EYS: variants seen among roughly 807,000 people sequenced by gnomAD.
The protein encoded by EYS is protein eyes shut homolog.
In EYS, 250 loss-of-function variants were observed where a neutral mutation model predicts 282.1. The ratio of observed to expected loss-of-function variants is 0.89; its 90% confidence interval spans 0.80 to 0.98. The LOEUF (loss-of-function observed/expected upper bound fraction) is 0.98. Among genes scored for constraint, EYS ranks in the 50% least tolerant of loss-of-function variants. EYS has a pLI of 0.00. For missense variants in EYS, 4,016 were observed against 3,709.0 expected (o/e 1.08, Z -2.15); for synonymous variants, 1,355 against 1,282.9 (o/e 1.06, Z -1.20).
intron 28 of EYS, among the ~76,000 whole-genome samples, chr6:64,397,522 A>AT (rs57878887): frequency 6.6e-6 from 1 of 151,844 alleles, no homozygotes; most frequent in Admixed American, 6.6e-5. Context: ...GTCACATTGT[A>AT]TTTTTTATAG....
chr6:65,027,740 T>C (rs1205432932), intron 13 of EYS, among the ~76,000 whole-genome samples: 1 of 152,180 alleles, frequency 6.6e-6, no homozygotes, highest in African/African-American at 2.4e-5. Flanking sequence ...ACTTTGTTCC[T>C]TTTTAGTGCC....
chr6:64,029,030 C>T (rs1769680632), intron 33 of EYS, among the ~76,000 whole-genome samples: 1 of 152,064 alleles, frequency 6.6e-6, no homozygotes, highest in Non-Finnish European at 1.5e-5. Flanking sequence ...GACTATGGAT[C>T]CCCAGATACA....
At position 65,633,681 on chromosome 6, in the gene EYS, T is replaced by G. The variant is rs139821739; in HGVS notation, c.-333+6097A>C. Among the ~76,000 whole-genome samples the G allele has an allele frequency of 6.2e-3, 944 of 152,360 alleles. 3 individuals carry two copies. The highest frequency in any genetic ancestry group is 0.01 in the Non-Finnish European group (701 of 68,028). ...GCCTAGAATACATCTACTATAATTA[T>G]GAAATACCTACCCTCAAAGCCACAA... On this transcript the variant is annotated intron_variant, in intron 2 of 42. Coordinates refer to ENST00000503581, the MANE Select transcript of EYS (RefSeq NM_001142800.2).
At chr6:64,899,045 C>T (rs1018907858) in intron 18 of EYS, among the ~76,000 whole-genome samples, 1 of 151,942 alleles carries the variant, frequency 6.6e-6, no homozygotes, top group Non-Finnish European at 1.5e-5. Flanking sequence ...TTAGACAGAT[C>T]GATGAGACAG....
At chr6:65,147,031 T>C (rs1419920972) in intron 12 of EYS, among the ~76,000 whole-genome samples, 1 of 152,058 alleles carries the variant, frequency 6.6e-6, no homozygotes, top group East Asian at 1.9e-4. Context: ...TTGTACTTTT[T>C]GTATGGATTT....
intron 28 of EYS, among the ~76,000 whole-genome samples, chr6:64,397,247 A>T (rs1431536980): frequency 6.6e-6 from 1 of 152,016 alleles, no homozygotes; most frequent in East Asian, 1.9e-4. Context: ...TATGTTAAGG[A>T]ATTTTTACAT....
rs943802063 is a variant in EYS at position 65,420,290 on chromosome 6, G to C, written c.863-14923C>G. Among the ~76,000 whole-genome samples, 5 of 151,902 alleles carry C rather than the reference G, an allele frequency of 3.3e-5. No homozygotes were observed. In the East Asian group the frequency reaches 9.6e-4, roughly 29 times the overall value. The stretch of plus-strand genomic sequence containing the variant: ...TATGTAATATTCTAAATCTTTTGTT[G>C]TAACTTCAACAATGTTCACAGCATC... On this transcript the variant is annotated intron_variant, in intron 5 of 42. Coordinates refer to ENST00000503581, the MANE Select transcript of EYS (RefSeq NM_001142800.2).
At chr6:65,406,612 T>A (rs1766749655) in intron 5 of EYS, among the ~76,000 whole-genome samples, 2 of 152,134 alleles carry the variant, frequency 1.3e-5, no homozygotes, top group Non-Finnish European at 2.9e-5. Flanking sequence ...GATAACGACT[T>A]AGCTTATATG....
intron 5 of EYS, among the ~76,000 whole-genome samples, chr6:65,449,765 T>C (rs886945307): frequency 2.0e-5 from 3 of 152,184 alleles, no homozygotes; most frequent in Middle Eastern, 3.4e-3. Context: ...TTCCTTTTTT[T>C]CCTCTCATTT....
chr6:65,554,414 G>T (rs1424103624), intron 2 of EYS, among the ~76,000 whole-genome samples: 9 of 151,310 alleles, frequency 5.9e-5, no homozygotes, highest in Non-Finnish European at 1.5e-5. Flanking sequence ...TTATTTTTTG[G>T]CTTGCTTTTA....
chr6:64,502,755 TCAA>T (rs1423449732), intron 26 of EYS, among the ~76,000 whole-genome samples: 1 of 152,022 alleles, frequency 6.6e-6, no homozygotes, highest in African/African-American at 2.4e-5. Context: ...AATCCATCCA[TCAA>T]CAGTATTTGA....
chr6:63,918,640 C>G (rs925331563), intron 35 of EYS, among the ~76,000 whole-genome samples: 1 of 152,150 alleles, frequency 6.6e-6, no homozygotes. Flanking sequence ...AATCTTCAAG[C>G]TGAGGGAGAA....
At chr6:64,683,494 G>C (rs1322541365) in intron 22 of EYS, among the ~76,000 whole-genome samples, 2 of 152,122 alleles carry the variant, frequency 1.3e-5, no homozygotes, top group African/African-American at 2.4e-5. Context: ...TATTGGATTA[G>C]AGAAGGCAAA....
chr6:64,459,394 G>A (rs1270981948), intron 26 of EYS, among the ~76,000 whole-genome samples: 3 of 152,126 alleles, frequency 2.0e-5, no homozygotes, highest in Non-Finnish European at 4.4e-5. Flanking sequence ...TTCATCTCTT[G>A]TATTAGTGTT....
chr6:64,470,927 G>C (rs146980265), intron 26 of EYS, among the ~76,000 whole-genome samples: 1 of 152,124 alleles, frequency 6.6e-6, no homozygotes, highest in African/African-American at 2.4e-5. Context: ...CAAAATTATA[G>C]CTTAAAACTT....
chr6:65,201,610 A>G (rs774909874), intron 12 of EYS, among the ~76,000 whole-genome samples: 25 of 151,720 alleles, frequency 1.6e-4, no homozygotes, highest in Non-Finnish European at 3.1e-4. Context: ...TGAATTTTAC[A>G]TAATTTGTTC....
intron 12 of EYS, among the ~76,000 whole-genome samples, chr6:65,202,648 C>T (rs1243596518): frequency 6.6e-6 from 1 of 152,144 alleles, no homozygotes; most frequent in East Asian, 1.9e-4. Flanking sequence ...CTGGGTACCC[C>T]TCCCTTCTTT....
intron 9 of EYS, among the ~76,000 whole-genome samples, chr6:65,350,655 G>A (rs373608813): frequency 3.3e-5 from 5 of 151,360 alleles, no homozygotes; most frequent in East Asian, 1.9e-4. Flanking sequence ...ACTTCACTTC[G>A]CAACTCTTTA....
intron 18 of EYS, among the ~76,000 whole-genome samples, chr6:64,890,051 C>T (rs1275742727): frequency 1.3e-5 from 2 of 149,854 alleles, no homozygotes; most frequent in African/African-American, 5.0e-5. Flanking sequence ...AAATGCCCCC[C>T]CCCCCCAAGG....
Sources: gnomAD v4.1 joint callset for allele counts (sites outside exome capture counted in the v4.1 genomes callset) on GRCh38, gnomAD v4.1.1 for gene constraint, MANE v1.5 for transcripts, NCBI Gene and HGNC (gene_info 2026-07-23, HGNC 2026-07-21) for gene names.